Variants in MED15 observed in about 807,000 individuals in gnomAD.
The protein encoded by MED15 is mediator complex subunit 15.
Under a neutral mutation model 118.7 loss-of-function variants are expected in MED15, and 41 were observed. The ratio of observed to expected loss-of-function variants is 0.35; its 90% CI spans 0.27 to 0.45. The LOEUF (loss-of-function observed/expected upper bound fraction) is 0.45. MED15 is among the 20% of genes least tolerant of loss of function. The pLI is 1.00. For synonymous variants in MED15, 436 were observed against 413.9 expected (o/e 1.05, Z -0.65); for missense variants, 740 against 1,025.5 (o/e 0.72, Z 3.80).
intron 1 of MED15, among the ~76,000 whole-genome samples, chr22:20,515,831 C>T (rs1018128402): frequency 2.0e-5 from 3 of 151,556 alleles, no homozygotes; most frequent in Admixed American, 2.0e-4. Context: ...AATAAAACCT[C>T]GTCTCTACTA....
chr22:20,565,419 C>T (rs761447729), intron 6 of MED15, among the ~76,000 whole-genome samples: 3 of 152,198 alleles, frequency 2.0e-5, no homozygotes, highest in Non-Finnish European at 2.9e-5. Context: ...CAGTGTTAGT[C>T]GACCTCCAGC....
chr22:20,535,490 A>G (rs1048300250), intron 1 of MED15, among the ~76,000 whole-genome samples: 5 of 151,790 alleles, frequency 3.3e-5, no homozygotes, highest in African/African-American at 9.7e-5. Flanking sequence ...GACTGGGCCT[A>G]TTCAATTCAC....
chr22:20,514,468 A>G (rs2054184181), intron 1 of MED15, among the ~76,000 whole-genome samples: 1 of 152,118 alleles, frequency 6.6e-6, no homozygotes, highest in South Asian at 2.1e-4. Flanking sequence ...TGAGACTTTT[A>G]TCCCTCCCAC....
At chr22:20,519,391 AT>A (rs2054367725) in intron 1 of MED15, among the ~76,000 whole-genome samples, 1 of 150,750 alleles carries the variant, frequency 6.6e-6, no homozygotes, top group Non-Finnish European at 1.5e-5. Flanking sequence ...CTTGGAGAAG[AT>A]GCTTTACCTT....
At chr22:20,544,296 C>A (rs1207609343) in intron 2 of MED15, among the ~76,000 whole-genome samples, 1 of 152,160 alleles carries the variant, frequency 6.6e-6, no homozygotes, top group East Asian at 1.9e-4. Flanking sequence ...TTTTAGGCAC[C>A]CTACTCCTGG....
chr22:20,521,752 GTCTT>G (rs1367922509), intron 1 of MED15, among the ~76,000 whole-genome samples: 2 of 149,380 alleles, frequency 1.3e-5, no homozygotes, highest in Middle Eastern at 3.3e-3. Flanking sequence ...CTGAGACAGA[GTCTT>G]TCTCTGTTGC....
At chr22:20,544,133 C>T (rs956844263) in intron 2 of MED15, among the ~76,000 whole-genome samples, 4 of 152,098 alleles carry the variant, frequency 2.6e-5, no homozygotes, top group East Asian at 1.9e-4. Context: ...GTATCAAGTT[C>T]GTCATTTCCT....
chr22:20,521,728 T>G (rs1044489535), intron 1 of MED15, among the ~76,000 whole-genome samples: 2 of 130,030 alleles, frequency 1.5e-5, no homozygotes, highest in South Asian at 2.5e-4. Context: ...ATTTATTTAT[T>G]TATTTATGTA....
chr22:20,524,923 T>A (rs1290601146), intron 1 of MED15, among the ~76,000 whole-genome samples: 1 of 152,100 alleles, frequency 6.6e-6, no homozygotes, highest in Non-Finnish European at 1.5e-5. Context: ...CTGTGGCAAT[T>A]TTTTGAGACG....
At chr22:20,520,051 C>CA (rs2146364787) in intron 1 of MED15, among the ~76,000 whole-genome samples, 1 of 152,240 alleles carries the variant, frequency 6.6e-6, no homozygotes, top group Non-Finnish European at 1.5e-5. Context: ...TAGGGGCTCA[C>CA]ACAAGAGTGA....
chr22:20,507,858 G>T (rs981801535), intron 1 of MED15, 112 bp downstream of exon 1: 1 of 1,531,308 alleles, frequency 6.5e-7, no homozygotes, highest in Non-Finnish European at 8.8e-7. Flanking sequence ...GACAGAAGGC[G>T]CCGGGGACTT....
chr22:20,523,358 T>TAA (rs111802725), intron 1 of MED15, among the ~76,000 whole-genome samples: 1 of 150,700 alleles, frequency 6.6e-6, no homozygotes, highest in Non-Finnish European at 1.5e-5. Flanking sequence ...CCTTTTTTTT[T>TAA]AAAAAAAAAG....
chr22:20,519,232 C>A (rs2054358698), intron 1 of MED15, among the ~76,000 whole-genome samples: 1 of 152,206 alleles, frequency 6.6e-6, no homozygotes, highest in South Asian at 2.1e-4. Context: ...GGCATAATTA[C>A]CTCTAAACCA....
intron 1 of MED15, among the ~76,000 whole-genome samples, chr22:20,530,962 C>G (rs1418137737): frequency 1.3e-5 from 2 of 152,178 alleles, no homozygotes; most frequent in African/African-American, 2.4e-5. Flanking sequence ...TGACTTATTT[C>G]TTTAACGCAT....
At chr22:20,566,030 C>CTTT (rs555771579) in intron 6 of MED15, among the ~76,000 whole-genome samples, 13 of 119,580 alleles carry the variant, frequency 1.1e-4, no homozygotes, top group East Asian at 5.4e-4. Context: ...CCAGGAAGGC[C>CTTT]TTTTTTTTTT....
At chr22:20,539,368 C>T (rs2055202859) in intron 2 of MED15, among the ~76,000 whole-genome samples, 1 of 152,194 alleles carries the variant, frequency 6.6e-6, no homozygotes, top group South Asian at 2.1e-4. Flanking sequence ...GCCTTGGCCT[C>T]CCAAAGTACT....
intron 9 of MED15, among the ~76,000 whole-genome samples, chr22:20,578,967 A>G (rs1465254466): frequency 6.6e-6 from 1 of 152,030 alleles, no homozygotes; most frequent in Non-Finnish European, 1.5e-5. Flanking sequence ...TGCCTCACGG[A>G]CTCAGGCTAC....
At position 20,512,645 on chromosome 22, in the gene MED15, G is replaced by A. The variant is rs1020385353; in HGVS notation, c.68+4899G>A. Among the ~76,000 whole-genome samples, 4 of 140,982 alleles carry A rather than the reference G, an allele frequency of 2.8e-5. No homozygotes were observed. The Admixed American group carries it at 3.0e-4, about 10-fold the overall frequency. 92.5% of individuals were successfully genotyped at this position (140,982 alleles called of 152,430 possible). On this transcript the variant is annotated intron_variant, in intron 1 of 17. Transcript: ENST00000263205. ...CTCGCTCTGTTGCCCAGGCTGGAGT[G>A]CAGTGTCACAATCTCAGCTCACTGC... is the stretch of plus-strand genomic sequence containing the variant.
chr22:20,583,160 G>T lies in MED15; in HGVS notation c.1585G>T (p.Glu529Ter). ...MSPAGSSQAE[E>*]QQYLDKLKQL... The stretch of plus-strand genomic sequence containing the variant: ...CCCAGCTGGCTCCAGCCAGGCTGAG[G>T]AGCAGCAGTACCTGGACAAGCTGAA... The change falls in exon 12 of 18, where the codon GAG becomes TAG. Residue 529 changes from glutamate to a stop codon, truncating the protein, a stop_gained. Coordinates refer to ENST00000263205, the MANE Select transcript of MED15 (RefSeq NM_001003891.3). LOFTEE classifies it high-confidence loss of function. 1 of 1,609,270 alleles carries T rather than the reference G, an allele frequency of 6.2e-7. No homozygotes were observed. Among genetic ancestry groups the T allele is most frequent in the Non-Finnish European group, 8.5e-7 (1 of 1,178,154 alleles).
Sources: allele counts gnomAD v4.1 joint callset (sites outside exome capture counted in the v4.1 genomes callset), GRCh38; gene constraint gnomAD v4.1.1; transcripts MANE v1.5; gene names NCBI Gene and HGNC (gene_info 2026-07-23, HGNC 2026-07-21).